The following ATP13A1 variants were observed in gnomAD, a reference collection of about 807,000 sequenced individuals.
ATP13A1 encodes the protein ATPase 13A1.
A neutral mutation model predicts 134.8 loss-of-function variants in ATP13A1; 55 were observed. That is an observed-to-expected ratio of 0.41 (90% CI 0.33 to 0.51). ATP13A1 has a LOEUF of 0.51. Ranked by LOEUF, ATP13A1 falls within the 20% of genes least tolerant of loss-of-function variation. The pLI is 0.29. For missense variants in ATP13A1, 1,389 were observed against 1,652.8 expected (o/e 0.84, Z 2.77); for synonymous variants, 775 against 725.1 (o/e 1.07, Z -1.10).
intron 19 of ATP13A1, 128 bp downstream of exon 19, chr19:19,649,439 C>T (rs941451387): frequency 1.0e-6 from 1 of 996,876 alleles, no homozygotes; most frequent in Non-Finnish European, 1.5e-6. Context: ...ACCTTGCCAC[C>T]CCCTCCCATC....
At chr19:19,651,535 G>C (rs867168802) in intron 17 of ATP13A1, 154 bp downstream of exon 17, 10 of 553,290 alleles carry the variant, frequency 1.8e-5, no homozygotes, top group Non-Finnish European at 2.9e-5. Flanking sequence ...CATGCTGTCC[G>C]AGGTGCCCAG....
chr19:19,660,209 C>T (rs1273813975), intron 1 of ATP13A1, among the ~76,000 whole-genome samples: 2 of 152,222 alleles, frequency 1.3e-5, no homozygotes, highest in African/African-American at 2.4e-5. Context: ...AGGCTGGGCA[C>T]GGTGACTCAC....
chr19:19,647,008 T>A lies in ATP13A1; in HGVS notation c.3105+121A>T, dbSNP rs2061990649. The A allele has an allele frequency of 1.8e-6, 2 of 1,119,932 alleles. No individual in the cohort carries two copies. The highest frequency in any genetic ancestry group is 2.5e-6 in the Non-Finnish European group (2 of 801,790). 69.4% of individuals were successfully genotyped at this position (1,119,932 alleles called of 1,614,324 possible). A position where few individuals can be genotyped will look rare whatever the true frequency, so the allele number is the denominator to read the frequency against. ...CCAGCATTTCCTGAGCCATCCCAGC[T>A]ACAGCCCCCATCTCTGGGGCCCTGG... On this transcript the variant is annotated intron_variant, in intron 22 of 25. Transcript: ENST00000357324. This position sits in a 1 kb window ranked among gnomAD's most constrained non-coding sequence, Gnocchi z 4.8.
rs2062026294 is a variant in ATP13A1 at position 19,651,801 on chromosome 19, G to C, written c.2227-4C>G. 1 of 1,608,946 alleles carries C rather than the reference G, an allele frequency of 6.2e-7. No individual in the cohort carries two copies. Among genetic ancestry groups the C allele is most frequent in the African/African-American group, 1.3e-5 (1 of 74,684 alleles). ...TGTCTCCCGTGATCATGACCACCTT[G>C]GGTAAAGAGGGGCAGAGGCTCAGCA... On this transcript the variant is annotated splice_region_variant and splice_polypyrimidine_tract_variant and intron_variant, in intron 16 of 25. Transcript: ENST00000357324.
In ATP13A1 at chr19:19,646,275, G is replaced by A; in HGVS notation, c.3178C>T (p.Leu1060Phe). 6.2e-7 allele frequency: 1 copy of A among 1,613,994 alleles called. No homozygotes were observed. The highest frequency in any genetic ancestry group is 1.3e-5 in the African/African-American group (1 of 75,050). The change falls in exon 23 of 26, where the codon CTC becomes TTC. Residue 1060 changes from leucine (L) to phenylalanine (F), a missense_variant. Transcript: ENST00000357324. ...CTCAGGAAGTGCACAAAGAACTGGA[G>A]CATGACGGTGAGGATGGTGTACAGG... ...FNLYTILTVMLQFFVHFLSLV... is the reference protein window; with the variant it reads ...FNLYTILTVMFQFFVHFLSLV...
chr19:19,650,062 C>T (rs1351666926), intron 17 of ATP13A1, 122 bp from the exon 18 acceptor site: 19 of 872,696 alleles, frequency 2.2e-5, no homozygotes, highest in South Asian at 2.2e-4. Flanking sequence ...CCTCCCTACC[C>T]ACCCAGGTGA....
At chr19:19,661,957 C>G (rs2062097593) in intron 1 of ATP13A1, 1 of 1,402,840 alleles carries the variant, frequency 7.1e-7, no homozygotes, top group Admixed American at 2.1e-5. Context: ...ATCATCTCCG[C>G]TTCTCAAGAT....
In ATP13A1 at chr19:19,645,538, G is replaced by A. The variant is rs370911404; in HGVS notation, c.3505-6C>T. ...TGGGCAATGACCAGCTTGAACTGTC[G>A]GGGCAGGGAGGGATGGTGAGCTGGA... On this transcript the variant is annotated splice_polypyrimidine_tract_variant and splice_region_variant and intron_variant, in intron 25 of 25. Transcript: ENST00000357324. The surrounding 1 kb of genome is among the most constrained non-coding windows in gnomAD (Gnocchi z 4.1). 5 of 1,587,450 alleles carry A rather than the reference G, an allele frequency of 3.1e-6. No individual in the cohort carries two copies. The highest frequency in any genetic ancestry group is 3.4e-6 in the Non-Finnish European group (4 of 1,167,200).
At chr19:19,654,241 TC>T in intron 13 of ATP13A1, 97 bp from the exon 14 acceptor site, 2 of 1,292,596 alleles carry the variant, frequency 1.5e-6, no homozygotes, top group Non-Finnish European at 1.1e-6. Flanking sequence ...CCCTCCTGCC[TC>T]CCCCAGGGCC....
Position 19,656,639 on chromosome 19 carries a change from T to A in ATP13A1, c.1083+21A>T. On this transcript the variant is annotated intron_variant, in intron 7 of 25. Coordinates refer to ENST00000357324, the MANE Select transcript of ATP13A1 (RefSeq NM_020410.3). The surrounding 1 kb of genome is among the most constrained non-coding windows in gnomAD (Gnocchi z 4.6). Reference sequence around the variant, plus strand: ...TGTTTCCTCCTGAACAGCTTGAGGATCCCCATCCTCCACCAAGTACCTTCA... The same window carrying A: ...TGTTTCCTCCTGAACAGCTTGAGGAACCCCATCCTCCACCAAGTACCTTCA... 2 of 1,608,662 alleles carry A rather than the reference T, an allele frequency of 1.2e-6. No homozygotes were observed. The highest frequency in any genetic ancestry group is 1.7e-6 in the Non-Finnish European group (2 of 1,177,296).
In ATP13A1 at chr19:19,646,350, G is replaced by A. The variant is rs768291961; in HGVS notation, c.3106-3C>T. 1 of 1,613,702 alleles carries A rather than the reference G, an allele frequency of 6.2e-7. No individual in the cohort carries two copies. Among genetic ancestry groups the A allele is most frequent in the South Asian group, 1.1e-5 (1 of 91,082 alleles). ...TCTCGGGAGAGGGTCTTGAGGGGCT[G>A]CAGCAGCAAGGCGGGTGGGGGAGTC... On this transcript the variant is annotated splice_polypyrimidine_tract_variant and splice_region_variant and intron_variant, in intron 22 of 25. Transcript: ENST00000357324.
At chr19:19,658,941 C>T (rs1659577302) in intron 3 of ATP13A1, among the ~76,000 whole-genome samples, 1 of 151,952 alleles carries the variant, frequency 6.6e-6, no homozygotes, top group Non-Finnish European at 1.5e-5. Flanking sequence ...CATCTCTACA[C>T]AAATAAACAT....
At chr19:19,654,763 CCAG>C (rs1475191888) in intron 12 of ATP13A1, 63 bp from the exon 13 acceptor site, 10 of 1,530,378 alleles carry the variant, frequency 6.5e-6, no homozygotes, top group Admixed American at 1.9e-5. Flanking sequence ...TGCATCCCCA[CCAG>C]CAGAAGGACC....
At position 19,663,430 on chromosome 19, in the gene ATP13A1, C is replaced by A. The variant is rs2062107382; in HGVS notation, c.237G>T (p.Leu79Phe). The A allele has an allele frequency of 6.4e-7, 1 of 1,570,256 alleles. No homozygotes were observed. Among genetic ancestry groups the A allele is most frequent in the Admixed American group, 1.9e-5 (1 of 53,560 alleles). The change falls in exon 1 of 26, where the codon TTG (leucine) becomes TTT (phenylalanine). Residue 79 changes from leucine to phenylalanine, a missense_variant. Coordinates refer to ENST00000357324, the MANE Select transcript of ATP13A1 (RefSeq NM_020410.3). ...PFAGLLYPAW[L>F]GAAAAGCWGW... The stretch of plus-strand genomic sequence containing the variant: ...CCCAGCAGCCAGCGGCTGCGGCACC[C>A]AACCAGGCCGGGTAAAGCAGCCCGG...
chr19:19,659,783 G>T lies in ATP13A1; in HGVS notation c.495C>A (p.Asp165Glu). The T allele has an allele frequency of 6.2e-7, 1 of 1,613,642 alleles. No homozygotes were observed. ...LVALHRNEGE[D>E]GLEVLSFEFQ... Reference sequence around the variant, plus strand: ...ATTCGAAGGACAGCACCTCAAGCCCGTCTTCGCCCTGCGGTAGAAGGTGTG... The same window carrying T: ...ATTCGAAGGACAGCACCTCAAGCCCTTCTTCGCCCTGCGGTAGAAGGTGTG... The change falls in exon 3 of 26, where the codon GAC (aspartate) becomes GAA (glutamate). Residue 165 changes from aspartate (D) to glutamate (E), a missense_variant. This residue lies in a region of ATP13A1 where 293 missense variants were observed against 270.8 expected (regional missense o/e 1.08). Coordinates refer to ENST00000357324, the MANE Select transcript of ATP13A1 (RefSeq NM_020410.3).
intron 17 of ATP13A1, chr19:19,650,877 C>T (rs980766029): frequency 1.3e-5 from 2 of 152,340 alleles, no homozygotes; most frequent in South Asian, 2.1e-4. Context: ...ACAGGGGCTT[C>T]ACCTCTAGCT....
At chr19:19,648,490 A>T (rs4808976) in intron 19 of ATP13A1, among the ~76,000 whole-genome samples, 42,239 of 146,118 alleles carry the variant, frequency 0.29, 6,783 homozygotes, top group African/African-American at 0.42. Context: ...TTAACACCTG[A>T]GTTCTTGCAA....
chr19:19,663,648 C>A lies in ATP13A1; in HGVS notation c.19G>T (p.Val7Leu), dbSNP rs2062109193. The part of the protein sequence containing the change: MAAAAA[V>L]GNAVPCGARP... ...GCCCCGCAGGGCACCGCGTTGCCCACCGCCGCCGCTGCCGCCATCTTTCCT... is the reference window on the plus strand; with the variant it reads ...GCCCCGCAGGGCACCGCGTTGCCCAACGCCGCCGCTGCCGCCATCTTTCCT... Residue 7 changes from valine (V) to leucine (L), a missense_variant, in exon 1 of 26, where the codon GTG becomes TTG. Val to Leu is a conservative substitution (Grantham distance 32). This residue lies in a region of ATP13A1 where 293 missense variants were observed against 270.8 expected (regional missense o/e 1.08). Coordinates refer to ENST00000357324, the MANE Select transcript of ATP13A1 (RefSeq NM_020410.3). The A allele has an allele frequency of 3.1e-6, 4 of 1,295,486 alleles. No homozygotes were observed. The highest frequency in any genetic ancestry group is 3.9e-6 in the Non-Finnish European group (4 of 1,023,282). The allele number at this position is 1,295,486 out of a possible 1,614,324, so 80.2% of individuals were successfully genotyped here.
At position 19,655,229 on chromosome 19, in the gene ATP13A1, G is replaced by A. The variant is rs767638185; in HGVS notation, c.1545C>T (p.Cys515=). The A allele has an allele frequency of 2.5e-6, 4 of 1,614,008 alleles. No individual in the cohort carries two copies. Among genetic ancestry groups the A allele is most frequent in the South Asian group, 1.1e-5 (1 of 91,092 alleles). ...CAAAGGGGATCCGGAAGGGCTCTGT[G>A]CAGTACATGTCTAGGGGCGGGAGTG... ...LIALAKLYMY[C]TEPFRIPFAG... is the part of the protein sequence containing the mutation. The change falls in exon 12 of 26, where the codon TGC becomes TGT. Residue 515 remains cysteine, a synonymous_variant. Coordinates refer to ENST00000357324, the MANE Select transcript of ATP13A1 (RefSeq NM_020410.3). The surrounding 1 kb of genome is among the most constrained non-coding windows in gnomAD (Gnocchi z 5.7).
Sources: gnomAD v4.1 joint callset for allele counts (sites outside exome capture counted in the v4.1 genomes callset) on GRCh38, gnomAD v4.1.1 for gene constraint, gnomAD v4.1.1 regional missense constraint, Gnocchi (gnomAD v3.1) non-coding constraint, MANE v1.5 for transcripts, NCBI Gene and HGNC (gene_info 2026-07-23, HGNC 2026-07-21) for gene names.